Variants in LHPP observed in about 807,000 individuals in gnomAD.
The protein encoded by LHPP is hLHPP.
LHPP carries 24 observed loss-of-function variants against 30.3 expected under a neutral mutation model. The observed-to-expected ratio is 0.79, with a 90% CI of 0.57 to 1.11. LHPP has a LOEUF of 1.11. Among genes scored for constraint, LHPP ranks in the 50% most tolerant of loss-of-function variants. LHPP has a pLI of 0.00. For missense variants in LHPP, 356 were observed against 367.2 expected (o/e 0.97, Z 0.25); for synonymous variants, 150 against 157.1 (o/e 0.95, Z 0.34).
In LHPP at chr10:124,510,667, T is replaced by C. The variant is rs1346562972; in HGVS notation, c.625-6513T>C. ...GGAGGAGCATGCACACAGTTTCATT[T>C]TCCCCGGAAGCATGGAGGTGTAGGA... On this transcript the variant is annotated intron_variant, in intron 5 of 6. Transcript: ENST00000368842. The surrounding 1 kb of genome is among the most constrained non-coding windows in gnomAD (Gnocchi z 4.0). Among the ~76,000 whole-genome samples the C allele has an allele frequency of 6.6e-6, 1 of 152,230 alleles. No homozygotes were observed. Among genetic ancestry groups the C allele is most frequent in the Non-Finnish European group, 1.5e-5 (1 of 68,040 alleles).
chr10:124,533,802 C>T (rs923093953), intron 6 of LHPP, among the ~76,000 whole-genome samples: 8 of 152,248 alleles, frequency 5.3e-5, no homozygotes, highest in African/African-American at 1.7e-4. Context: ...TGAAGGGTCC[C>T]ACGCTGCAGA....
At chr10:124,544,234 C>CAG (rs10648044) in intron 6 of LHPP, among the ~76,000 whole-genome samples, 116,403 of 152,108 alleles carry the variant, frequency 0.77, 45,064 homozygotes, top group East Asian at 0.9. Context: ...CGCCCCCATG[C>CAG]AGTCATGCTG....
rs12416284 is a variant in LHPP at position 124,575,825 on chromosome 10, G to A, written c.717-37439G>A. Among the ~76,000 whole-genome samples the A allele has an allele frequency of 9.9e-5, 15 of 152,278 alleles. No homozygotes were observed. In the South Asian group the frequency reaches 2.9e-3, roughly 29 times the overall value. On this transcript the variant is annotated intron_variant, in intron 6 of 6. Coordinates refer to ENST00000368842, the MANE Select transcript of LHPP (RefSeq NM_022126.4). ...ACACCCTGACCCCCAAAGGCATTGT[G>A]CATGTGGATGAGTGAGTGAAGGAAA...
intron 6 of LHPP, among the ~76,000 whole-genome samples, chr10:124,577,771 CCTTCCTTGGGGCTGCCCCTCCTCCACT>C (rs1244213999): frequency 9.8e-6 from 1 of 102,522 alleles, no homozygotes; most frequent in Non-Finnish European, 2.4e-5. Flanking sequence ...CAGGGGAAGG[CCTTCCTTGGGGCTGCCCCTCCTCCACT>C]CTGGCAGCAT....
intron 6 of LHPP, among the ~76,000 whole-genome samples, chr10:124,569,857 C>T (rs1240318576): frequency 6.6e-6 from 1 of 152,170 alleles, no homozygotes; most frequent in South Asian, 2.1e-4. Context: ...ATCAAGTGTA[C>T]AGTTTGAATT....
intron 5 of LHPP, among the ~76,000 whole-genome samples, chr10:124,506,888 GTTGGGGGGTAGGGAGGATTTCAGGT>G: frequency 3.5e-5 from 1 of 28,584 alleles, no homozygotes; most frequent in Non-Finnish European, 6.9e-5. Context: ...AGGATTTCAG[GTTGGGGGGTAGGGAGGATTTCAGGT>G]TGGGGGGTAG....
chr10:124,555,683 A>G (rs150254611), intron 6 of LHPP, among the ~76,000 whole-genome samples: 5 of 152,152 alleles, frequency 3.3e-5, no homozygotes, highest in Admixed American at 2.0e-4. Context: ...TGTTTCATAT[A>G]TTTTATCTGA....
In LHPP at chr10:124,517,061, T is replaced by G. The variant is rs932869102; in HGVS notation, c.625-119T>G. On this transcript the variant is annotated intron_variant, in intron 5 of 6. Transcript: ENST00000368842. The surrounding 1 kb of genome is among the most constrained non-coding windows in gnomAD (Gnocchi z 4.1). ...GATGACAATATTATCTTGTTTAATTTGTATGATGGTGGTTGTAAACATCAA... is the reference window on the plus strand; with the variant it reads ...GATGACAATATTATCTTGTTTAATTGGTATGATGGTGGTTGTAAACATCAA... 6.4e-6 allele frequency: 4 copies of G among 629,510 alleles called. No homozygotes were observed. The highest frequency in any genetic ancestry group is 1.1e-5 in the Non-Finnish European group (4 of 369,048). The allele number at this position is 629,510 out of a possible 1,614,324, so 39.0% of individuals were successfully genotyped here. A position where few individuals can be genotyped will look rare whatever the true frequency, so the allele number is the denominator to read the frequency against.
At chr10:124,504,863 T>A (rs528208695) in intron 5 of LHPP, among the ~76,000 whole-genome samples, 1 of 152,226 alleles carries the variant, frequency 6.6e-6, no homozygotes, top group South Asian at 2.1e-4. Flanking sequence ...GTCTGGTGAA[T>A]CTGGGTTTGT....
chr10:124,541,053 T>C lies in LHPP; in HGVS notation c.716+23782T>C, dbSNP rs1162980984. ...CCATTAAATTATTTAACAGCTTTTT[T>C]AATGGAGGAAGGGGCCCCCCAAATC... On this transcript the variant is annotated intron_variant, in intron 6 of 6. Transcript: ENST00000368842. This position sits in a 1 kb window ranked among gnomAD's most constrained non-coding sequence, Gnocchi z 4.2. Among the ~76,000 whole-genome samples the C allele has an allele frequency of 1.3e-5, 2 of 152,260 alleles. No homozygotes were observed. Among genetic ancestry groups the C allele is most frequent in the Non-Finnish European group, 2.9e-5 (2 of 68,048 alleles).
intron 6 of LHPP, among the ~76,000 whole-genome samples, chr10:124,547,133 T>C (rs61870226): frequency 0.033 from 5,056 of 152,254 alleles, 109 homozygotes; most frequent in Non-Finnish European, 0.049. Context: ...TCATGGTGCG[T>C]CCCAGATACC....
At chr10:124,529,481 A>G (rs1348263480) in intron 6 of LHPP, among the ~76,000 whole-genome samples, 1 of 152,114 alleles carries the variant, frequency 6.6e-6, no homozygotes, top group East Asian at 1.9e-4. Flanking sequence ...CCTGGTGAGG[A>G]ACCTCCCAGC....
At chr10:124,535,901 C>T (rs936482915) in intron 6 of LHPP, among the ~76,000 whole-genome samples, 1 of 152,254 alleles carries the variant, frequency 6.6e-6, no homozygotes, top group African/African-American at 2.4e-5. Context: ...TCTGCTCCCT[C>T]AGGGGAACTG....
Position 124,496,359 on chromosome 10 carries a change from G to T in LHPP, c.468-602G>T, listed in dbSNP as rs145083474. ...TCAAAGAGCAGTGAGGCCATTTTGA[G>T]AGAGGAATGCTCCCTCGTGCAGAGC... On this transcript the variant is annotated intron_variant, in intron 3 of 6. Coordinates refer to ENST00000368842, the MANE Select transcript of LHPP (RefSeq NM_022126.4). The surrounding 1 kb of genome is among the most constrained non-coding windows in gnomAD (Gnocchi z 4.3). 3.5e-4 allele frequency among the ~76,000 whole-genome samples: 53 copies of T among 152,264 alleles called. No homozygotes were observed. In the East Asian group the frequency reaches 9.7e-3, roughly 28 times the overall value.
intron 6 of LHPP, among the ~76,000 whole-genome samples, chr10:124,560,900 A>G (rs1437037456): frequency 1.3e-5 from 2 of 152,354 alleles, no homozygotes; most frequent in East Asian, 1.9e-4. Flanking sequence ...TTCCACTTCC[A>G]GCAAGATGGA....
chr10:124,580,416 A>C (rs555611321), intron 6 of LHPP, among the ~76,000 whole-genome samples: 53 of 151,758 alleles, frequency 3.5e-4, no homozygotes, highest in Middle Eastern at 3.4e-3. Flanking sequence ...TCAGGTTCCA[A>C]ATCTACTTGA....
At chr10:124,605,358 C>T (rs1289680765) in intron 6 of LHPP, 2 of 152,200 alleles carry the variant, frequency 1.3e-5, no homozygotes, top group Non-Finnish European at 2.9e-5. Flanking sequence ...CCTGGCCTGT[C>T]CCTCCAGGAA....
Position 124,517,158 on chromosome 10 carries a change from G to A in LHPP, c.625-22G>A, listed in dbSNP as rs776432111. Reference sequence around the variant, plus strand: ...AAAACTCTCCTGACATCACTTCTGAGCGTATTTCACTGCCGTGACAGGCCG... The same window carrying A: ...AAAACTCTCCTGACATCACTTCTGAACGTATTTCACTGCCGTGACAGGCCG... On this transcript the variant is annotated intron_variant, in intron 5 of 6. Transcript: ENST00000368842. The surrounding 1 kb of genome is among the most constrained non-coding windows in gnomAD (Gnocchi z 4.1). 7.0e-6 allele frequency: 11 copies of A among 1,565,392 alleles called. No individual in the cohort carries two copies. The highest frequency in any genetic ancestry group is 3.4e-4 in the Middle Eastern group (2 of 5,942).
chr10:124,498,214 C>A, intron 5 of LHPP, 86 bp downstream of exon 5: 3 of 1,440,338 alleles, frequency 2.1e-6, no homozygotes, highest in Non-Finnish European at 2.9e-6. Context: ...AGGACTCAGG[C>A]AGCCTGTGGG....
Sources: allele counts gnomAD v4.1 joint callset (sites outside exome capture counted in the v4.1 genomes callset), GRCh38; gene constraint gnomAD v4.1.1; non-coding constraint Gnocchi (gnomAD v3.1); transcripts MANE v1.5; gene names NCBI Gene and HGNC (gene_info 2026-07-23, HGNC 2026-07-21).